Variants in MCTP1 observed in about 807,000 individuals in gnomAD.
MCTP1 encodes the protein multiple C2 and transmembrane domain-containing protein 1.
In MCTP1, 69 loss-of-function variants were observed where a neutral mutation model predicts 120.6. The ratio of observed to expected loss-of-function variants is 0.57; its 90% CI spans 0.47 to 0.70. The LOEUF is 0.70. Ranked by LOEUF, MCTP1 falls within the 30% of genes least tolerant of loss-of-function variation. The pLI is 0.00. For synonymous variants in MCTP1, 529 were observed against 493.1 expected, an observed-to-expected ratio of 1.07 and a Z score of -0.96; for missense variants, 1,203 against 1,248.8, an observed-to-expected ratio of 0.96 and a Z score of 0.55.
At chr5:94,775,521 G>T (rs1775098497) in intron 19 of MCTP1, among the ~76,000 whole-genome samples, 2 of 152,118 alleles carry the variant, frequency 1.3e-5, no homozygotes, top group South Asian at 2.1e-4. Context: ...ACAAAGGCAG[G>T]ATTTGGTGTC....
intron 1 of MCTP1, among the ~76,000 whole-genome samples, chr5:95,228,008 C>T (rs1457675240): frequency 5.9e-5 from 9 of 152,036 alleles, no homozygotes; most frequent in Admixed American, 5.9e-4. Flanking sequence ...ATATATCAGA[C>T]ACTAGGATAA....
At chr5:94,875,289 C>T (rs534812168) in intron 12 of MCTP1, among the ~76,000 whole-genome samples, 34 of 152,114 alleles carry the variant, frequency 2.2e-4, no homozygotes, top group African/African-American at 6.0e-4. Flanking sequence ...CCAGAGGAAC[C>T]GACAGTGGAA....
chr5:95,042,512 T>C (rs1015374407), intron 1 of MCTP1, among the ~76,000 whole-genome samples: 1 of 152,214 alleles, frequency 6.6e-6, no homozygotes, highest in Non-Finnish European at 1.5e-5. Context: ...CTTACACATA[T>C]AGTTGGGAAT....
intron 2 of MCTP1, among the ~76,000 whole-genome samples, chr5:94,990,233 A>C (rs1831266987): frequency 6.6e-6 from 1 of 152,174 alleles, no homozygotes; most frequent in South Asian, 2.1e-4. Flanking sequence ...ATCACTGGAC[A>C]CACAGATGGT....
intron 18 of MCTP1, among the ~76,000 whole-genome samples, chr5:94,796,649 TTATATATATTATATA>T (rs1251473286): frequency 1.4e-4 from 2 of 13,810 alleles, no homozygotes; most frequent in Non-Finnish European, 5.8e-4. Flanking sequence ...GTAATATATA[TTATATATATTATATA>T]TATATGTATT....
chr5:94,779,302 G>A, intron 18 of MCTP1, 139 bp from the exon 19 acceptor site: 1 of 721,080 alleles, frequency 1.4e-6, no homozygotes, highest in Non-Finnish European at 2.5e-6. Flanking sequence ...TCTAGAGAGA[G>A]TGATTAGGAA....
chr5:94,882,311 T>G (rs1800274582), intron 12 of MCTP1, among the ~76,000 whole-genome samples: 1 of 152,162 alleles, frequency 6.6e-6, no homozygotes, highest in Non-Finnish European at 1.5e-5. Flanking sequence ...GTAACCCACT[T>G]GGCATCCCCA....
chr5:94,724,783 G>A (rs550856291), intron 19 of MCTP1, among the ~76,000 whole-genome samples: 1 of 152,074 alleles, frequency 6.6e-6, no homozygotes, highest in East Asian at 1.9e-4. Flanking sequence ...TGACTTAATT[G>A]CCCAGCCAGC....
intron 1 of MCTP1, among the ~76,000 whole-genome samples, chr5:95,106,303 A>T (rs1448172231): frequency 6.6e-6 from 1 of 152,162 alleles, no homozygotes; most frequent in Non-Finnish European, 1.5e-5. Context: ...ATTTGCAGAG[A>T]CCCTTCTGTT....
intron 19 of MCTP1, among the ~76,000 whole-genome samples, chr5:94,772,859 A>C (rs975511883): frequency 2.0e-5 from 3 of 152,156 alleles, no homozygotes; most frequent in African/African-American, 7.2e-5. Context: ...CCAAATTTGG[A>C]ATCAGAAAAG....
At chr5:95,065,272 T>C (rs1226426899) in intron 1 of MCTP1, among the ~76,000 whole-genome samples, 1 of 151,814 alleles carries the variant, frequency 6.6e-6, no homozygotes, top group Non-Finnish European at 1.5e-5. Context: ...TTAAGGCCAA[T>C]AATTGAATAT....
At chr5:94,891,085 A>G (rs545333083) in intron 11 of MCTP1, among the ~76,000 whole-genome samples, 2 of 152,158 alleles carry the variant, frequency 1.3e-5, no homozygotes, top group Non-Finnish European at 2.9e-5. Flanking sequence ...GTTTACACTG[A>G]AACTATGACC....
intron 1 of MCTP1, among the ~76,000 whole-genome samples, chr5:95,137,772 T>A (rs765573176): frequency 7.2e-5 from 11 of 152,170 alleles, no homozygotes; most frequent in Non-Finnish European, 1.5e-4. Context: ...AAAGCAAACA[T>A]CATAAATGAA....
intron 17 of MCTP1, among the ~76,000 whole-genome samples, chr5:94,811,060 C>T (rs1000265232): frequency 1.3e-5 from 2 of 152,180 alleles, no homozygotes; most frequent in African/African-American, 2.4e-5. Context: ...TGGTCTCATT[C>T]CCCCAATCCC....
intron 1 of MCTP1, among the ~76,000 whole-genome samples, chr5:95,275,278 T>C (rs2152738529): frequency 6.6e-6 from 1 of 152,354 alleles, no homozygotes; most frequent in African/African-American, 2.4e-5. Context: ...AATTCAGGAA[T>C]CTAAAGACTT....
chr5:94,746,941 C>T (rs1361383072), intron 19 of MCTP1, among the ~76,000 whole-genome samples: 2 of 152,164 alleles, frequency 1.3e-5, no homozygotes, highest in African/African-American at 4.8e-5. Context: ...TTCCACTTCC[C>T]CTTGACCTTG....
At chr5:94,970,269 T>C (rs32917) in intron 2 of MCTP1, among the ~76,000 whole-genome samples, 126,396 of 151,754 alleles carry the variant, frequency 0.83, 53,202 homozygotes, top group African/African-American at 0.94. Flanking sequence ...ATCCCAAATA[T>C]AACATGAATA....
intron 1 of MCTP1, among the ~76,000 whole-genome samples, chr5:95,140,175 C>A: frequency 6.6e-6 from 1 of 152,182 alleles, no homozygotes. Flanking sequence ...AGTAATCATT[C>A]ACTCTCTCTT....
intron 1 of MCTP1, among the ~76,000 whole-genome samples, chr5:95,196,473 A>C (rs1454438333): frequency 6.6e-6 from 1 of 152,178 alleles, no homozygotes; most frequent in East Asian, 1.9e-4. Context: ...CAATATCTTA[A>C]CCACTAGGCT....
Sources: gnomAD v4.1 joint callset for allele counts (sites outside exome capture counted in the v4.1 genomes callset) on GRCh38, gnomAD v4.1.1 for gene constraint, MANE v1.5 for transcripts, NCBI Gene and HGNC (gene_info 2026-07-23, HGNC 2026-07-21) for gene names.